CDH12: variants seen among roughly 807,000 people sequenced by gnomAD.
The protein encoded by CDH12 is cadherin 12, also known as cadherin-12.
Under a neutral mutation model 74.1 loss-of-function variants are expected in CDH12, and 41 were observed. The ratio of observed to expected loss-of-function variants is 0.55; its 90% CI spans 0.43 to 0.72. The LOEUF (loss-of-function observed/expected upper bound fraction) is 0.72. Among genes scored for constraint, CDH12 ranks in the 30% least tolerant of loss-of-function variants. CDH12 has a pLI of 0.00. For missense variants in CDH12, 945 were observed against 977.2 expected (o/e 0.97, Z 0.44); for synonymous variants, 399 against 355.0 (o/e 1.12, Z -1.39).
intron 3 of CDH12, among the ~76,000 whole-genome samples, chr5:22,236,825 A>C (rs1351950694): frequency 6.6e-5 from 10 of 151,848 alleles, no homozygotes; most frequent in Admixed American, 1.3e-4. Flanking sequence ...CAATTTCACC[A>C]CCTTTCACCT....
At position 21,863,179 on chromosome 5, in the gene CDH12, C is replaced by A. The variant is rs1380992554; in HGVS notation, c.527-8389G>T. 2.6e-5 allele frequency among the ~76,000 whole-genome samples: 4 copies of A among 152,196 alleles called. No individual in the cohort carries two copies. The East Asian group carries it at 7.8e-4, about 29-fold the overall frequency. ...CCTTGTAGATTAGATTCCAACTGTGCTGCCAGAGACCCCATGCTGTGACTA... is the reference window on the plus strand; with the variant it reads ...CCTTGTAGATTAGATTCCAACTGTGATGCCAGAGACCCCATGCTGTGACTA... On this transcript the variant is annotated intron_variant, in intron 6 of 14. Coordinates refer to ENST00000382254, the MANE Select transcript of CDH12 (RefSeq NM_004061.5).
chr5:22,483,696 A>G, intron 2 of CDH12, among the ~76,000 whole-genome samples: 1 of 130,084 alleles, frequency 7.7e-6, no homozygotes, highest in Non-Finnish European at 1.6e-5. Flanking sequence ...CCAGGTTGAA[A>G]CCAGGATAAG....
intron 2 of CDH12, among the ~76,000 whole-genome samples, chr5:22,460,246 A>T (rs916075847): frequency 6.6e-6 from 1 of 152,044 alleles, no homozygotes; most frequent in African/African-American, 2.4e-5. Context: ...AAACAATATG[A>T]TTTTACTATG....
intron 3 of CDH12, among the ~76,000 whole-genome samples, chr5:22,299,764 G>C (rs1324925904): frequency 1.3e-5 from 2 of 152,056 alleles, no homozygotes; most frequent in East Asian, 1.9e-4. Flanking sequence ...TAGTCAATTT[G>C]TCTTTTGTTG....
intron 8 of CDH12, among the ~76,000 whole-genome samples, chr5:21,836,484 C>CACACACAT (rs1749545276): frequency 6.6e-6 from 1 of 151,392 alleles, no homozygotes; most frequent in Admixed American, 6.6e-5. Context: ...CACACACACA[C>CACACACAT]ACACACACAC....
chr5:22,065,908 C>G (rs886991479), intron 5 of CDH12, among the ~76,000 whole-genome samples: 1 of 152,210 alleles, frequency 6.6e-6, no homozygotes, highest in Admixed American at 6.6e-5. Context: ...GGGGGTCATC[C>G]TGTTCCTAGG....
chr5:22,724,124 C>T (rs1744037763), intron 1 of CDH12, among the ~76,000 whole-genome samples: 1 of 151,862 alleles, frequency 6.6e-6, no homozygotes, highest in Non-Finnish European at 1.5e-5. Context: ...AATTTATAAT[C>T]ACTGAAGCAG....
intron 3 of CDH12, among the ~76,000 whole-genome samples, chr5:22,310,505 A>G (rs1738342661): frequency 6.6e-6 from 1 of 151,970 alleles, no homozygotes. Context: ...ATAAACCATT[A>G]TAATTATATA....
intron 1 of CDH12, among the ~76,000 whole-genome samples, chr5:22,844,418 T>C (rs1737212147): frequency 6.6e-6 from 1 of 152,084 alleles, no homozygotes; most frequent in Non-Finnish European, 1.5e-5. Flanking sequence ...AGCAGCCCTC[T>C]AAATGAATAG....
At chr5:22,600,565 T>C (rs182422640) in intron 1 of CDH12, among the ~76,000 whole-genome samples, 243 of 152,204 alleles carry the variant, frequency 1.6e-3, no homozygotes, top group Middle Eastern at 6.8e-3. Context: ...GAGTTGTTAT[T>C]TATTCTTTTT....
intron 5 of CDH12, among the ~76,000 whole-genome samples, chr5:22,037,850 A>T (rs1415588689): frequency 6.6e-6 from 1 of 152,168 alleles, no homozygotes; most frequent in Non-Finnish European, 1.5e-5. Context: ...CAGTATAGCC[A>T]CTAGAGAATG....
intron 1 of CDH12, among the ~76,000 whole-genome samples, chr5:22,719,517 T>C (rs1743767924): frequency 6.6e-6 from 1 of 152,102 alleles, no homozygotes; most frequent in African/African-American, 2.4e-5. Flanking sequence ...CAAATGTGTG[T>C]CTAGTGGCAT....
At chr5:22,621,531 A>G (rs1219524872) in intron 1 of CDH12, among the ~76,000 whole-genome samples, 1 of 152,142 alleles carries the variant, frequency 6.6e-6, no homozygotes, top group Non-Finnish European at 1.5e-5. Context: ...ATGAATTACT[A>G]GTAAAAAATA....
At chr5:22,450,667 T>C (rs1745005939) in intron 2 of CDH12, among the ~76,000 whole-genome samples, 1 of 151,912 alleles carries the variant, frequency 6.6e-6, no homozygotes, top group African/African-American at 2.4e-5. Context: ...CAAATAATTC[T>C]TTAGTATTTT....
intron 2 of CDH12, among the ~76,000 whole-genome samples, chr5:22,486,737 G>A (rs893777904): frequency 1.3e-5 from 2 of 152,094 alleles, no homozygotes; most frequent in Admixed American, 6.5e-5. Flanking sequence ...ACAGGCATGA[G>A]CCACTGTGCC....
At chr5:22,772,545 C>T (rs1376610354) in intron 1 of CDH12, among the ~76,000 whole-genome samples, 6 of 151,960 alleles carry the variant, frequency 3.9e-5, no homozygotes, top group African/African-American at 1.4e-4. Flanking sequence ...AATGGGGTGT[C>T]GTTTTCCTAT....
At chr5:22,012,664 T>A (rs1652675169) in intron 5 of CDH12, among the ~76,000 whole-genome samples, 1 of 151,388 alleles carries the variant, frequency 6.6e-6, no homozygotes, top group South Asian at 2.1e-4. Context: ...CTTGGTTGAG[T>A]TATATAACAT....
intron 5 of CDH12, among the ~76,000 whole-genome samples, chr5:22,026,360 G>A (rs1319383572): frequency 1.3e-5 from 2 of 152,056 alleles, no homozygotes; most frequent in African/African-American, 2.4e-5. Context: ...AAAAGAAATT[G>A]GCCACAACTG....
chr5:21,830,938 C>T (rs907512071), intron 8 of CDH12, among the ~76,000 whole-genome samples: 5 of 151,888 alleles, frequency 3.3e-5, no homozygotes, highest in Non-Finnish European at 7.4e-5. Context: ...ACTCGGGAGG[C>T]TGAGGCAGAG....
Sources: gnomAD v4.1 joint callset for allele counts (sites outside exome capture counted in the v4.1 genomes callset) on GRCh38, gnomAD v4.1.1 for gene constraint, MANE v1.5 for transcripts, NCBI Gene and HGNC (gene_info 2026-07-23, HGNC 2026-07-21) for gene names.